CACNA1E: variants seen among roughly 807,000 people sequenced by gnomAD.
CACNA1E encodes calcium voltage-gated channel subunit alpha1 E, also known as voltage-dependent R-type calcium channel subunit alpha-1E.
In CACNA1E, 40 loss-of-function variants were observed where a neutral mutation model predicts 259.2. The observed-to-expected ratio is 0.15, with a 90% CI of 0.12 to 0.20. CACNA1E has a LOEUF of 0.20. CACNA1E is among the 10% of genes least tolerant of loss of function. The pLI is 1.00. For missense variants in CACNA1E, 1,874 were observed against 3,040.1 expected, an observed-to-expected ratio of 0.62 and a Z score of 9.02; for synonymous variants, 1,104 against 1,138.5, an observed-to-expected ratio of 0.97 and a Z score of 0.61.
intron 26 of CACNA1E, among the ~76,000 whole-genome samples, chr1:181,750,802 TTATTTA>T (rs1183190203): frequency 1.3e-5 from 2 of 152,232 alleles, no homozygotes; most frequent in African/African-American, 4.8e-5. Context: ...GGCTTTTGGA[TTATTTA>T]TATTCAGATC....
chr1:181,764,917 C>G (rs1001058412), intron 34 of CACNA1E, among the ~76,000 whole-genome samples: 1 of 152,046 alleles, frequency 6.6e-6, no homozygotes, highest in African/African-American at 2.4e-5. Context: ...AAAATATTGT[C>G]AAAAATTGAT....
intron 44 of CACNA1E, among the ~76,000 whole-genome samples, chr1:181,791,320 A>G (rs1246717738): frequency 2.0e-5 from 3 of 152,164 alleles, no homozygotes; most frequent in Non-Finnish European, 1.5e-5. Context: ...AAATACAAAA[A>G]AAATTATCCA....
intron 3 of CACNA1E, among the ~76,000 whole-genome samples, chr1:181,576,805 G>T (rs961754512): frequency 6.6e-6 from 1 of 152,184 alleles, no homozygotes; most frequent in Non-Finnish European, 1.5e-5. Flanking sequence ...TAGCCACAAT[G>T]TCTGTGTGTA....
At chr1:181,715,908 A>G (rs976824591) in intron 9 of CACNA1E, 132 bp from the exon 10 acceptor site, 2 of 650,182 alleles carry the variant, frequency 3.1e-6, no homozygotes, top group Non-Finnish European at 5.6e-6. Flanking sequence ...TGGCTCAGGT[A>G]TTAAAGGCAG....
chr1:181,758,685 A>G lies in CACNA1E; in HGVS notation c.4495-73A>G. On this transcript the variant is annotated intron_variant, in intron 31 of 47. Coordinates refer to ENST00000367573, the MANE Select transcript of CACNA1E (RefSeq NM_001205293.3). The surrounding 1 kb of genome is among the most constrained non-coding windows in gnomAD (Gnocchi z 4.2). Reference sequence around the variant, plus strand: ...ACAGGGCAGGAATGAGAGATGGCCAACCTCAGTGACATGTATTCCCCCTCT... The same window carrying G: ...ACAGGGCAGGAATGAGAGATGGCCAGCCTCAGTGACATGTATTCCCCCTCT... The G allele has an allele frequency of 1.2e-6, 1 of 846,858 alleles. No homozygotes were observed. 52.5% of individuals were successfully genotyped at this position (846,858 alleles called of 1,614,324 possible).
chr1:181,381,454 T>C (rs1655455389), intron 1 of CACNA1E, among the ~76,000 whole-genome samples: 1 of 152,150 alleles, frequency 6.6e-6, no homozygotes, highest in African/African-American at 2.4e-5. Context: ...AAATTCACAT[T>C]AATATATAGT....
intron 1 of CACNA1E, among the ~76,000 whole-genome samples, chr1:181,389,557 TG>T (rs2102030254): frequency 6.6e-6 from 1 of 152,268 alleles, no homozygotes; most frequent in Admixed American, 6.5e-5. Flanking sequence ...AGAAAAATAG[TG>T]GTTGGCTTCA....
At chr1:181,562,949 T>A (rs1002937353) in intron 3 of CACNA1E, among the ~76,000 whole-genome samples, 32 of 152,320 alleles carry the variant, frequency 2.1e-4, no homozygotes, top group Admixed American at 6.5e-4. Context: ...GCACAATTCT[T>A]TTTTAATTAT....
At chr1:181,474,482 T>C (rs1263826519) in intron 2 of CACNA1E, among the ~76,000 whole-genome samples, 1 of 152,214 alleles carries the variant, frequency 6.6e-6, no homozygotes, top group Non-Finnish European at 1.5e-5. Context: ...GTCTGAAAAC[T>C]TCCCGTAGCA....
rs180791100 is a variant in CACNA1E at position 181,727,970 on chromosome 1, G to A, written c.2240+1808G>A. On this transcript the variant is annotated intron_variant, in intron 18 of 47. Coordinates refer to ENST00000367573, the MANE Select transcript of CACNA1E (RefSeq NM_001205293.3). ...GGCCATCATGTTGCCTTTGCCTTTC[G>A]TAACAAATGCCTGGCCCCTGGATCC... Among the ~76,000 whole-genome samples, 583 of 152,156 alleles carry A rather than the reference G, an allele frequency of 3.8e-3. 1 individual carries two copies. The highest frequency in any genetic ancestry group is 6.3e-3 in the Non-Finnish European group (426 of 67,986).
At chr1:181,472,056 C>A (rs1280404173) in intron 2 of CACNA1E, among the ~76,000 whole-genome samples, 1 of 152,142 alleles carries the variant, frequency 6.6e-6, no homozygotes, top group East Asian at 1.9e-4. Context: ...TAGACACACA[C>A]ACACAATGGA....
At chr1:181,697,569 C>T (rs755779777) in intron 7 of CACNA1E, among the ~76,000 whole-genome samples, 7 of 152,102 alleles carry the variant, frequency 4.6e-5, no homozygotes, top group African/African-American at 7.2e-5. Flanking sequence ...CTATCCGTGT[C>T]GAAGAATTGC....
At position 181,741,942 on chromosome 1, in the gene CACNA1E, C is replaced by T. The variant is rs866337372; in HGVS notation, c.3719+2689C>T. 3.3e-5 allele frequency among the ~76,000 whole-genome samples: 5 copies of T among 152,176 alleles called. No homozygotes were observed. In the South Asian group the frequency reaches 1.0e-3, roughly 32 times the overall value. ...TCACTTGCTTTTAGTCATGTTACTT[C>T]TTGAACTCTCTCTTCATTTTCTCTG... On this transcript the variant is annotated intron_variant, in intron 25 of 47. Coordinates refer to ENST00000367573, the MANE Select transcript of CACNA1E (RefSeq NM_001205293.3).
chr1:181,630,120 G>C (rs1032064663), intron 6 of CACNA1E, among the ~76,000 whole-genome samples: 1 of 14,134 alleles, frequency 7.1e-5, no homozygotes, highest in African/African-American at 9.7e-5. Flanking sequence ...GGATGGGAAT[G>C]GGGGGAGGGT....
intron 2 of CACNA1E, among the ~76,000 whole-genome samples, chr1:181,434,219 A>T (rs1293280491): frequency 6.6e-6 from 1 of 152,238 alleles, no homozygotes; most frequent in African/African-American, 2.4e-5. Flanking sequence ...TGCAAATTAA[A>T]TGAGAGAGAC....
chr1:181,591,505 C>T (rs1037248117), intron 6 of CACNA1E, among the ~76,000 whole-genome samples: 2 of 151,966 alleles, frequency 1.3e-5, no homozygotes, highest in East Asian at 3.9e-4. Context: ...TTTTTATCTT[C>T]CAGAAAACAA....
chr1:181,496,600 G>C (rs1664775449), intron 1 of CACNA1E, among the ~76,000 whole-genome samples: 1 of 152,192 alleles, frequency 6.6e-6, no homozygotes, highest in Non-Finnish European at 1.5e-5. Flanking sequence ...GGTGCTGTGG[G>C]GGGAAGGGGA....
chr1:181,368,891 T>C (rs535058680), intron 1 of CACNA1E, among the ~76,000 whole-genome samples: 61 of 152,306 alleles, frequency 4.0e-4, no homozygotes, highest in African/African-American at 1.4e-3. Context: ...TTTCCTAGAA[T>C]GGATCTCAGA....
chr1:181,465,729 C>A (rs1662113350), intron 2 of CACNA1E, among the ~76,000 whole-genome samples: 1 of 151,582 alleles, frequency 6.6e-6, no homozygotes. Context: ...TATTTTATTT[C>A]TTTACATATC....
Sources: allele counts gnomAD v4.1 joint callset (sites outside exome capture counted in the v4.1 genomes callset), GRCh38; gene constraint gnomAD v4.1.1; non-coding constraint Gnocchi (gnomAD v3.1); transcripts MANE v1.5; gene names NCBI Gene and HGNC (gene_info 2026-07-23, HGNC 2026-07-21).